The following CCM2 variants were observed in gnomAD, a reference collection of about 807,000 sequenced individuals.
CCM2 encodes CCM2 scaffold protein.
A neutral mutation model predicts 44.9 loss-of-function variants in CCM2; 25 were observed. The observed-to-expected ratio is 0.56, with a 90% CI of 0.41 to 0.78. The LOEUF is 0.78. Ranked by LOEUF, CCM2 falls within the 30% of genes least tolerant of loss-of-function variation. CCM2 has a pLI of 0.00. For missense variants in CCM2, 481 were observed against 580.6 expected (o/e 0.83, Z 1.76); for synonymous variants, 219 against 241.1 (o/e 0.91, Z 0.85).
intron 1 of CCM2, among the ~76,000 whole-genome samples, chr7:45,034,321 C>A (rs1363242126): frequency 1.3e-5 from 2 of 151,988 alleles, no homozygotes; most frequent in East Asian, 3.9e-4. Context: ...AAGCGATTCT[C>A]CTTTCTCAGC....
chr7:45,022,508 G>T (rs908085338), intron 1 of CCM2, among the ~76,000 whole-genome samples: 1 of 150,578 alleles, frequency 6.6e-6, no homozygotes, highest in East Asian at 2.0e-4. Flanking sequence ...GGGTTTCACC[G>T]TGTTAGCCAG....
At position 45,064,624 on chromosome 7, in the gene CCM2, A is replaced by T. The variant is rs1192595136; in HGVS notation, c.450A>T (p.Ala150=). The stretch of plus-strand genomic sequence containing the variant: ...TCTCCTATGTTCGGGATGACGCTGC[A>T]CACCTGGTGGTCCTGAAGACAGGTA... ...AAVSYVRDDA[A]HLVVLKTAQD... The change falls in exon 4 of 10, where the codon GCA becomes GCT. Residue 150 remains alanine (A), a synonymous_variant. Transcript: ENST00000258781. The T allele has an allele frequency of 6.2e-7, 1 of 1,613,942 alleles. No individual in the cohort carries two copies. The highest frequency in any genetic ancestry group is 2.2e-5 in the East Asian group (1 of 44,888).
intron 9 of CCM2, 99 bp from the exon 10 acceptor site, chr7:45,075,678 G>A: frequency 6.8e-7 from 1 of 1,465,402 alleles, no homozygotes; most frequent in Admixed American, 1.7e-5. Flanking sequence ...ATGCACCAGG[G>A]GCAGCTGTGG....
chr7:45,070,490 G>C (rs761893986), intron 6 of CCM2: 1 of 456,136 alleles, frequency 2.2e-6, no homozygotes, highest in Non-Finnish European at 4.4e-6. Context: ...GTACCCCAGA[G>C]CTGTCTCTTC....
chr7:45,027,566 T>G (rs1796745188), intron 1 of CCM2: 2 of 1,537,282 alleles, frequency 1.3e-6, no homozygotes, highest in Admixed American at 3.9e-5. Flanking sequence ...CTTTTTAAAC[T>G]TTTAAAAAAT....
intron 2 of CCM2, 81 bp downstream of exon 2, chr7:45,038,507 T>G (rs1797335286): frequency 1.4e-6 from 2 of 1,433,452 alleles, no homozygotes; most frequent in East Asian, 4.5e-5. Context: ...CTCTTGAGTT[T>G]ATAAGACACA....
intron 1 of CCM2, among the ~76,000 whole-genome samples, chr7:45,023,787 G>T (rs76516293): frequency 1.7e-5 from 1 of 58,644 alleles, no homozygotes. Context: ...CTCTGTATCA[G>T]TTTTTTTTTT....
intron 1 of CCM2, among the ~76,000 whole-genome samples, chr7:45,022,462 G>A (rs1011369827): frequency 1.3e-4 from 20 of 149,024 alleles, no homozygotes; most frequent in Non-Finnish European, 2.4e-4. Context: ...GCCCACCACC[G>A]TGCCCGGCTA....
chr7:45,032,333 G>T lies in CCM2; in HGVS notation c.31-5920G>T, dbSNP rs189201857. Among the ~76,000 whole-genome samples the T allele has an allele frequency of 3.5e-3, 537 of 152,204 alleles. 4 individuals are homozygous for T. Among genetic ancestry groups the T allele is most frequent in the African/African-American group, 0.012 (508 of 41,534 alleles). On this transcript the variant is annotated intron_variant, in intron 1 of 9. Transcript: ENST00000258781. The stretch of plus-strand genomic sequence containing the variant: ...TGATTTGGAGGCCCAGGTAGAAGGG[G>T]CAGGTTCCTCTGAAGCGCCTTGGCA...
intron 4 of CCM2, 26 bp downstream of exon 4, chr7:45,064,672 G>A (rs767703057): frequency 5.8e-5 from 94 of 1,612,596 alleles, no homozygotes; most frequent in Non-Finnish European, 7.6e-5. Flanking sequence ...GGTCAGGAGG[G>A]TCCTTGTCCT....
chr7:45,054,480 C>T (rs1264513139), intron 2 of CCM2, among the ~76,000 whole-genome samples: 2 of 138,706 alleles, frequency 1.4e-5, no homozygotes, highest in Non-Finnish European at 3.1e-5. Context: ...GATTTAGGAT[C>T]AATATTAAAA....
Position 45,006,333 on chromosome 7 carries a change from C to CTTT in CCM2, c.30+5979_30+5981dup, listed in dbSNP as rs5883918. 1.4e-3 allele frequency among the ~76,000 whole-genome samples: 208 copies of CTTT among 146,106 alleles called. 2 individuals are homozygous for CTTT. The highest frequency in any genetic ancestry group is 0.011 in the South Asian group (49 of 4,586). On this transcript the variant is annotated intron_variant, in intron 1 of 9. Coordinates refer to ENST00000258781, the MANE Select transcript of CCM2 (RefSeq NM_031443.4). ...ATGTGACTGTATTTGAAGATGGAGT[C>CTTT]TTTTTTTTTTTATTTGTTTTTATTT...
At chr7:45,024,905 A>G (rs1796621755) in intron 1 of CCM2, among the ~76,000 whole-genome samples, 2 of 152,296 alleles carry the variant, frequency 1.3e-5, no homozygotes, top group South Asian at 2.1e-4. Context: ...TTTTCTGTCC[A>G]TAAAATTGAG....
chr7:45,055,831 A>G (rs557252952), intron 2 of CCM2, among the ~76,000 whole-genome samples: 175 of 152,308 alleles, frequency 1.1e-3, no homozygotes, highest in Non-Finnish European at 1.9e-3. Flanking sequence ...CTGTTGGACA[A>G]TGCCTCTCCA....
rs958475889 is a variant in CCM2, at chr7:45,054,806, G to A, written c.205-9112G>A. ...GGGACAGTGGGTGTGGGCTGGGCAT[G>A]GCATTGCCATAGGGGCACTGGGTGT... On this transcript the variant is annotated intron_variant, in intron 2 of 9. Transcript: ENST00000258781. 3.3e-5 allele frequency among the ~76,000 whole-genome samples: 5 copies of A among 152,364 alleles called. No homozygotes were observed. The South Asian group carries it at 1.0e-3, about 32-fold the overall frequency.
intron 1 of CCM2, among the ~76,000 whole-genome samples, chr7:45,035,962 G>A (rs925549251): frequency 6.6e-6 from 1 of 152,180 alleles, no homozygotes; most frequent in Non-Finnish European, 1.5e-5. Context: ...AGAACTTTAT[G>A]TAGATTATTG....
chr7:45,041,672 C>T (rs6947351), intron 2 of CCM2, among the ~76,000 whole-genome samples: 5,917 of 152,274 alleles, frequency 0.039, 378 homozygotes, highest in African/African-American at 0.13. Context: ...GTGGTCCTAC[C>T]TCTGTGCCTG....
At chr7:45,064,291 G>A (rs1422093750) in intron 3 of CCM2, among the ~76,000 whole-genome samples, 172 bp from the exon 4 acceptor site, 1 of 152,222 alleles carries the variant, frequency 6.6e-6, no homozygotes, top group Non-Finnish European at 1.5e-5. Context: ...CAAATGGTTT[G>A]AACACATTGG....
At chr7:45,059,418 T>TAAA (rs55678662) in intron 2 of CCM2, among the ~76,000 whole-genome samples, 1 of 131,540 alleles carries the variant, frequency 7.6e-6, no homozygotes, top group Non-Finnish European at 1.6e-5. Context: ...CCCTGTCTGT[T>TAAA]AAAAAAAAAA....
Sources: gnomAD v4.1 joint callset for allele counts (sites outside exome capture counted in the v4.1 genomes callset) on GRCh38, gnomAD v4.1.1 for gene constraint, MANE v1.5 for transcripts, NCBI Gene and HGNC (gene_info 2026-07-23, HGNC 2026-07-21) for gene names.